Variants in TENM3 observed in about 807,000 individuals in gnomAD.
The protein encoded by TENM3 is teneurin-3.
A neutral mutation model predicts 255.1 loss-of-function variants in TENM3; 63 were observed. The observed-to-expected ratio is 0.25, with a 90% CI of 0.20 to 0.30. The LOEUF is 0.30. TENM3 is among the 10% of genes least tolerant of loss of function. TENM3 has a pLI of 1.00. For missense variants in TENM3, 2,929 were observed against 3,461.1 expected (o/e 0.85, Z 3.86); for synonymous variants, 1,306 against 1,322.3 (o/e 0.99, Z 0.27).
chr4:182,715,037 A>G (rs1191662992), intron 13 of TENM3, among the ~76,000 whole-genome samples: 2 of 152,130 alleles, frequency 1.3e-5, no homozygotes, highest in African/African-American at 4.8e-5. Context: ...GGCATGTGCC[A>G]CCACACCTGG....
chr4:181,528,017 G>T, the TENM3 span, among the ~76,000 whole-genome samples: 4 of 151,880 alleles, frequency 2.6e-5, no homozygotes, highest in Admixed American at 2.6e-4. Context: ...TTTTAAAAGG[G>T]GGGGTTAAAG....
intron 1 of TENM3, among the ~76,000 whole-genome samples, chr4:182,183,066 A>G (rs6840906): frequency 0.71 from 108,432 of 151,998 alleles, 39,292 homozygotes; most frequent in African/African-American, 0.75. Flanking sequence ...TAGGAGAAAT[A>G]TACATCAATT....
At chr4:182,155,689 A>G (rs1008444753) in intron 1 of TENM3, among the ~76,000 whole-genome samples, 1 of 152,178 alleles carries the variant, frequency 6.6e-6, no homozygotes, top group Non-Finnish European at 1.5e-5. Flanking sequence ...TTTTAGAAGA[A>G]TAATAATTTA....
chr4:182,730,608 G>A (rs557395764), intron 15 of TENM3, among the ~76,000 whole-genome samples: 2 of 152,256 alleles, frequency 1.3e-5, no homozygotes, highest in African/African-American at 4.8e-5. Context: ...ATTTTATAAT[G>A]TCTGTAACTT....
At chr4:182,135,213 A>G in the TENM3 span, among the ~76,000 whole-genome samples, 787 of 125,768 alleles carry the variant, frequency 6.3e-3, 3 homozygotes, top group African/African-American at 0.019. Context: ...TCAAAAAAAA[A>G]AAAAAAAAAA....
intron 1 of TENM3, among the ~76,000 whole-genome samples, chr4:182,207,989 G>C (rs913573378): frequency 1.3e-5 from 2 of 152,278 alleles, no homozygotes; most frequent in East Asian, 1.9e-4. Flanking sequence ...CCTTGAAGTC[G>C]TGTGTTTCCT....
At chr4:181,559,749 C>G in the TENM3 span, among the ~76,000 whole-genome samples, 5 of 152,180 alleles carry the variant, frequency 3.3e-5, no homozygotes, top group African/African-American at 1.2e-4. Flanking sequence ...GCCTTTGCCC[C>G]TGCTATTTTG....
the TENM3 span, among the ~76,000 whole-genome samples, chr4:181,985,967 C>T: frequency 6.6e-6 from 1 of 152,058 alleles, no homozygotes; most frequent in African/African-American, 2.4e-5. Flanking sequence ...CAGAACTGTT[C>T]TGGCACTGTC....
the TENM3 span, among the ~76,000 whole-genome samples, chr4:182,093,328 G>A: frequency 6.6e-6 from 1 of 152,242 alleles, no homozygotes; most frequent in Non-Finnish European, 1.5e-5. Flanking sequence ...AAAGATGGTG[G>A]CAGGAGCAGT....
rs1162433007 is a variant in TENM3 at position 182,577,981 on chromosome 4, AT to A, written c.512-22930del. On this transcript the variant is annotated intron_variant, in intron 3 of 27. Coordinates refer to ENST00000511685, the MANE Select transcript of TENM3 (RefSeq NM_001080477.4). ...AATGCTATTCTGATGACCCAATTTA[AT>A]TTTTTTTTTTTTGAGTTGGAGTCTT... Among the ~76,000 whole-genome samples the A allele has an allele frequency of 1.4e-3, 202 of 145,030 alleles. 1 individual carries two copies. Among genetic ancestry groups the A allele is most frequent in the South Asian group, 7.0e-3 (32 of 4,568 alleles).
At chr4:182,798,210 G>T (rs1004873651) in intron 27 of TENM3, among the ~76,000 whole-genome samples, 1 of 152,064 alleles carries the variant, frequency 6.6e-6, no homozygotes, top group Non-Finnish European at 1.5e-5. Flanking sequence ...GTCTCCCTGC[G>T]TAGCACAGGC....
At chr4:181,907,601 G>C in the TENM3 span, among the ~76,000 whole-genome samples, 13 of 152,110 alleles carry the variant, frequency 8.5e-5, no homozygotes, top group African/African-American at 2.4e-4. Flanking sequence ...GGAAGAGGGA[G>C]AGAAGGTGAC....
At chr4:182,212,023 AC>A (rs2149895732) in intron 1 of TENM3, among the ~76,000 whole-genome samples, 1 of 152,320 alleles carries the variant, frequency 6.6e-6, no homozygotes, top group Non-Finnish European at 1.5e-5. Context: ...TATCTATTAA[AC>A]CAAGTAAAAT....
At chr4:182,053,889 T>G in the TENM3 span, among the ~76,000 whole-genome samples, 1 of 151,982 alleles carries the variant, frequency 6.6e-6, no homozygotes, top group Non-Finnish European at 1.5e-5. Flanking sequence ...CAACCAACTC[T>G]CTCTGGGGTC....
At chr4:182,714,376 T>C (rs1043734417) in intron 13 of TENM3, 143 bp downstream of exon 13, 1 of 674,674 alleles carries the variant, frequency 1.5e-6, no homozygotes. Flanking sequence ...GAAAAATGTA[T>C]GAGTGCTGAT....
the TENM3 span, among the ~76,000 whole-genome samples, chr4:181,693,361 C>T: frequency 1.3e-5 from 2 of 152,152 alleles, no homozygotes; most frequent in Admixed American, 1.3e-4. Flanking sequence ...GGTTCATTTG[C>T]ATCTAATCAG....
At chr4:182,221,921 G>A (rs1755873275) in intron 1 of TENM3, among the ~76,000 whole-genome samples, 1 of 152,124 alleles carries the variant, frequency 6.6e-6, no homozygotes, top group African/African-American at 2.4e-5. Flanking sequence ...GAGAGTTCTT[G>A]TGGAGAGTTT....
chr4:181,883,377 A>G, the TENM3 span, among the ~76,000 whole-genome samples: 1 of 152,180 alleles, frequency 6.6e-6, no homozygotes, highest in African/African-American at 2.4e-5. Flanking sequence ...GAGTATACCC[A>G]TAATACTACA....
At chr4:181,665,145 A>T in the TENM3 span, among the ~76,000 whole-genome samples, 1 of 152,174 alleles carries the variant, frequency 6.6e-6, no homozygotes, top group Non-Finnish European at 1.5e-5. Context: ...GTTCCCAGAC[A>T]TGGCTTGTGA....
Sources: gnomAD v4.1 joint callset for allele counts (sites outside exome capture counted in the v4.1 genomes callset) on GRCh38, gnomAD v4.1.1 for gene constraint, MANE v1.5 for transcripts, NCBI Gene and HGNC (gene_info 2026-07-23, HGNC 2026-07-21) for gene names.